Variants in LGI1 observed in about 807,000 individuals in gnomAD.
LGI1 encodes the protein leucine-rich glioma-inactivated protein 1.
In LGI1, 11 loss-of-function variants were observed where a neutral mutation model predicts 57.7. The observed-to-expected ratio is 0.19, with a 90% CI of 0.12 to 0.32. The LOEUF is 0.32. LGI1 is among the 10% of genes least tolerant of loss of function. LGI1 has a pLI of 1.00. For missense variants in LGI1, 422 were observed against 661.9 expected (o/e 0.64, Z 3.98); for synonymous variants, 222 against 241.9 (o/e 0.92, Z 0.76).
chr10:93,797,283 T>C lies in LGI1; in HGVS notation c.1154T>C (p.Leu385Pro). Residue 385 changes from leucine (L) to proline (P), a missense_variant, in exon 8 of 8, where the codon CTA (leucine) becomes CCA (proline). By Grantham distance (98) the Leu-to-Pro change is moderately conservative. Transcript: ENST00000371418. The surrounding 1 kb of genome is among the most constrained non-coding windows in gnomAD (Gnocchi z 6.5). The stretch of plus-strand genomic sequence containing the variant: ...TACAGGGACACTGATGTGGAATATC[T>C]AGAAATAGTCAGAACACCTCAGACA... Reference protein sequence around the residue: ...AWYRDTDVEYLEIVRTPQTLR... With the variant: ...AWYRDTDVEYPEIVRTPQTLR... 6.2e-7 allele frequency: 1 copy of C among 1,614,214 alleles called. No homozygotes were observed. Among genetic ancestry groups the C allele is most frequent in the Non-Finnish European group, 8.5e-7 (1 of 1,180,042 alleles).
intron 2 of LGI1, chr10:93,767,054 AG>A (rs2059687386): frequency 2.0e-5 from 3 of 152,206 alleles, no homozygotes; most frequent in Admixed American, 6.5e-5. Context: ...CCCCTCTCAA[AG>A]GGTCAACCTT....
intron 4 of LGI1, chr10:93,789,745 G>A (rs1414268299): frequency 9.0e-6 from 2 of 222,202 alleles, no homozygotes; most frequent in East Asian, 2.1e-4. Context: ...ATGGTGGCGG[G>A]CACATGTAAT....
chr10:93,793,417 G>A, intron 7 of LGI1, 67 bp downstream of exon 7: 1 of 1,337,866 alleles, frequency 7.5e-7, no homozygotes. Flanking sequence ...AACAAGGAAA[G>A]ATGAGTGGTA....
chr10:93,782,620 GA>G (rs796294963), intron 4 of LGI1: 4 of 152,240 alleles, frequency 2.6e-5, no homozygotes, highest in African/African-American at 9.6e-5. Flanking sequence ...CACTGTGTAG[GA>G]AAAAACTAAA....
chr10:93,792,801 C>T lies in LGI1; in HGVS notation c.562C>T (p.Leu188Phe), dbSNP rs1283042951. 1 of 1,614,072 alleles carries T rather than the reference C, an allele frequency of 6.2e-7. No homozygotes were observed. Among genetic ancestry groups the T allele is most frequent in the Non-Finnish European group, 8.5e-7 (1 of 1,179,976 alleles). The change falls in exon 6 of 8, where the codon CTT (leucine) becomes TTT (phenylalanine). Residue 188 changes from leucine (L) to phenylalanine (F), a missense_variant. By Grantham distance (22) the Leu-to-Phe change is conservative. Coordinates refer to ENST00000371418, the MANE Select transcript of LGI1 (RefSeq NM_005097.4). The part of the protein sequence containing the change: ...DCKLKWLVEW[L>F]GHTNATVEDI... ...TAAACTGAAATGGCTAGTGGAATGG[C>T]TTGGCCACACCAATGCAACTGTTGA...
At position 93,798,085 on chromosome 10, in the gene LGI1, A is replaced by G. The variant is rs1172545288; in HGVS notation, c.*282A>G. 4.5e-6 allele frequency: 2 copies of G among 449,006 alleles called. No homozygotes were observed. Among genetic ancestry groups the G allele is most frequent in the African/African-American group, 2.0e-5 (1 of 50,728 alleles). The allele number at this position is 449,006 out of a possible 1,614,324, so 27.8% of individuals were successfully genotyped here. A position where few individuals can be genotyped will look rare whatever the true frequency, so the allele number is the denominator to read the frequency against. ...TCTGTTACTCCAAAAAGAAATATTA[A>G]TATGTACTTTTCCATTTATTTATTC... is the stretch of plus-strand genomic sequence containing the variant. On this transcript the variant is annotated 3_prime_UTR_variant, in exon 8 of 8. Transcript: ENST00000371418.
chr10:93,765,264 T>G (rs1278922234), intron 2 of LGI1: 1 of 152,234 alleles, frequency 6.6e-6, no homozygotes, highest in Non-Finnish European at 1.5e-5. Context: ...GGACCTCAGC[T>G]TTTATTGCAT....
At chr10:93,794,363 T>TG (rs1491174507) in intron 7 of LGI1, among the ~76,000 whole-genome samples, 1 of 11,972 alleles carries the variant, frequency 8.4e-5, no homozygotes, top group Admixed American at 3.0e-3. Flanking sequence ...TGGATCTCTC[T>TG]TTTTTTTTTT....
chr10:93,762,197 C>A lies in LGI1; in HGVS notation c.287+3366C>A, dbSNP rs79568227. 7.7e-3 allele frequency among the ~76,000 whole-genome samples: 1,179 copies of A among 152,236 alleles called. 22 individuals are homozygous for A. The highest frequency in any genetic ancestry group is 0.026 in the African/African-American group (1,098 of 41,542). On this transcript the variant is annotated intron_variant, in intron 2 of 7. Coordinates refer to ENST00000371418, the MANE Select transcript of LGI1 (RefSeq NM_005097.4). ...AACAAAAACACTGCACGTAAGAATC[C>A]GACATGACCAGAAAAAATTTCTTAG...
intron 2 of LGI1, 106 bp from the exon 3 acceptor site, chr10:93,777,273 A>G: frequency 1.1e-6 from 1 of 940,450 alleles, no homozygotes; most frequent in Admixed American, 1.8e-5. Flanking sequence ...AGCCATGCAG[A>G]CATTTTTCTG....
At position 93,792,876 on chromosome 10, in the gene LGI1, A is replaced by T. The variant is rs1306289738; in HGVS notation, c.637A>T (p.Ser213Cys). The change falls in exon 6 of 8, where the codon AGT (serine) becomes TGT (cysteine). Residue 213 changes from serine to cysteine, a missense_variant. Around this residue, in one of 3 missense-constraint regions of LGI1, gnomAD observed 301 missense variants for 461.7 expected, o/e 0.65. Coordinates refer to ENST00000371418, the MANE Select transcript of LGI1 (RefSeq NM_005097.4). ...PPEYKKRKINSLSSKDFDCII... is the reference protein window; with the variant it reads ...PPEYKKRKINCLSSKDFDCII... Reference sequence around the variant, plus strand: ...AGAATACAAGAAGCGCAAAATCAATAGTCTCTCCTCGAAGGATTTTGATTG... The same window carrying T: ...AGAATACAAGAAGCGCAAAATCAATTGTCTCTCCTCGAAGGATTTTGATTG... The T allele has an allele frequency of 6.2e-7, 1 of 1,614,140 alleles. No homozygotes were observed. Among genetic ancestry groups the T allele is most frequent in the Non-Finnish European group, 8.5e-7 (1 of 1,180,014 alleles).
intron 2 of LGI1, among the ~76,000 whole-genome samples, chr10:93,761,723 T>A (rs2059625657): frequency 6.6e-6 from 1 of 152,180 alleles, no homozygotes; most frequent in Non-Finnish European, 1.5e-5. Context: ...ATAAAATTAT[T>A]CAATAAAAAT....
chr10:93,778,025 G>A (rs1031790414), intron 4 of LGI1, among the ~76,000 whole-genome samples: 2 of 152,046 alleles, frequency 1.3e-5, no homozygotes, highest in African/African-American at 4.8e-5. Flanking sequence ...CATAGTACCT[G>A]ATCAACTTGT....
intron 4 of LGI1, chr10:93,780,353 A>G (rs2059835842): frequency 6.6e-6 from 1 of 152,042 alleles, no homozygotes; most frequent in African/African-American, 2.4e-5. Context: ...TTCATTTTCC[A>G]TTATTTATGG....
chr10:93,792,854 A>T lies in LGI1; in HGVS notation c.615A>T (p.Glu205Asp). The change falls in exon 6 of 8, where the codon GAA becomes GAT. Residue 205 changes from glutamate to aspartate, a missense_variant. Glu to Asp is a conservative substitution (Grantham distance 45). Coordinates refer to ENST00000371418, the MANE Select transcript of LGI1 (RefSeq NM_005097.4). Reference protein sequence around the residue: ...VEDIYCEGPPEYKKRKINSLS... With the variant: ...VEDIYCEGPPDYKKRKINSLS... The stretch of plus-strand genomic sequence containing the variant: ...ACATCTACTGCGAAGGCCCCCCAGA[A>T]TACAAGAAGCGCAAAATCAATAGTC... The T allele has an allele frequency of 6.2e-7, 1 of 1,614,154 alleles. No homozygotes were observed. Among genetic ancestry groups the T allele is most frequent in the South Asian group, 1.1e-5 (1 of 91,084 alleles).
intron 2 of LGI1, chr10:93,762,496 A>G (rs1472466111): frequency 2.6e-5 from 4 of 152,198 alleles, no homozygotes; most frequent in African/African-American, 9.7e-5. Flanking sequence ...AGCAATTGCT[A>G]CCTTTTTCTA....
intron 2 of LGI1, among the ~76,000 whole-genome samples, chr10:93,774,572 C>A (rs2059773258): frequency 6.6e-6 from 1 of 152,158 alleles, no homozygotes; most frequent in Admixed American, 6.5e-5. Flanking sequence ...ATTCCAGATC[C>A]CCAAGAAGGG....
At chr10:93,781,278 G>A (rs2059845422) in intron 4 of LGI1, among the ~76,000 whole-genome samples, 1 of 152,112 alleles carries the variant, frequency 6.6e-6, no homozygotes, top group Non-Finnish European at 1.5e-5. Flanking sequence ...AGAATGGCAT[G>A]AACCCGGGAG....
At chr10:93,777,692 C>A in intron 4 of LGI1, 75 bp downstream of exon 4, 2 of 1,147,390 alleles carry the variant, frequency 1.7e-6, no homozygotes, top group Non-Finnish European at 2.6e-6. Context: ...GGTTAATGCA[C>A]CTACTTTATG....
Sources: allele counts gnomAD v4.1 joint callset (sites outside exome capture counted in the v4.1 genomes callset), GRCh38; gene constraint gnomAD v4.1.1; regional missense constraint gnomAD v4.1.1; non-coding constraint Gnocchi (gnomAD v3.1); transcripts MANE v1.5; gene names NCBI Gene and HGNC (gene_info 2026-07-23, HGNC 2026-07-21).